GBE1: variants seen among roughly 807,000 people sequenced by gnomAD.
GBE1 encodes the protein 1,4-alpha-glucan-branching enzyme.
GBE1 carries 70 observed loss-of-function variants against 88.8 expected under a neutral mutation model. The ratio of observed to expected loss-of-function variants is 0.79; its 90% CI spans 0.65 to 0.96. The LOEUF (loss-of-function observed/expected upper bound fraction) is 0.96. Among genes scored for constraint, GBE1 ranks in the 40% least tolerant of loss-of-function variants. GBE1 has a pLI of 0.00. For synonymous variants in GBE1, 284 were observed against 300.1 expected (o/e 0.95, Z 0.56); for missense variants, 872 against 871.0 (o/e 1.00, Z -0.01).
chr3:81,640,149 TACTG>T (rs1478249577), intron 7 of GBE1, among the ~76,000 whole-genome samples: 2 of 152,194 alleles, frequency 1.3e-5, no homozygotes, highest in African/African-American at 2.4e-5. Flanking sequence ...TGATGGTTTA[TACTG>T]ACTGTCAACT....
chr3:81,657,583 C>A (rs896936295), intron 3 of GBE1, among the ~76,000 whole-genome samples: 2 of 152,116 alleles, frequency 1.3e-5, no homozygotes, highest in African/African-American at 4.8e-5. Context: ...GTGAATTTTT[C>A]TAAAACTGTA....
chr3:81,697,142 C>T (rs1705608201), intron 2 of GBE1, among the ~76,000 whole-genome samples: 1 of 152,196 alleles, frequency 6.6e-6, no homozygotes, highest in Admixed American at 6.5e-5. Context: ...AGTTGGGATT[C>T]CCATGGTCCC....
chr3:81,618,771 G>C (rs1217791581), intron 7 of GBE1, among the ~76,000 whole-genome samples: 1 of 151,988 alleles, frequency 6.6e-6, no homozygotes, highest in Non-Finnish European at 1.5e-5. Flanking sequence ...GTAAATCCTT[G>C]AAAAAGAAGC....
At chr3:81,495,206 T>C (rs917151801) in intron 15 of GBE1, among the ~76,000 whole-genome samples, 5 of 152,108 alleles carry the variant, frequency 3.3e-5, no homozygotes, top group African/African-American at 1.2e-4. Flanking sequence ...CTGGCCAACA[T>C]GATGAAACCT....
At position 81,535,304 on chromosome 3, in the gene GBE1, CAT is replaced by C. The variant is rs1175447973; in HGVS notation, c.1823_1824del (p.His608ArgfsTer4). On this transcript the variant is annotated frameshift_variant, in exon 14 of 16. Transcript: ENST00000429644. LOFTEE classifies it high-confidence loss of function. ...TCAAAAGCAATGATCTTATTGCCTTCATGTTTTTCACTCACGTAGGCCTGCAA... is the reference window on the plus strand; with the variant it reads ...TCAAAAGCAATGATCTTATTGCCTTCGTTTTTCACTCACGTAGGCCTGCAA... ...AAPQAYVSEK[H>X]EGNKIIAFER... 6 of 1,609,234 alleles carry C rather than the reference CAT, an allele frequency of 3.7e-6. No homozygotes were observed. The highest frequency in any genetic ancestry group is 5.1e-6 in the Non-Finnish European group (6 of 1,178,032).
At chr3:81,598,421 A>G (rs1280292279) in intron 7 of GBE1, among the ~76,000 whole-genome samples, 2 of 151,948 alleles carry the variant, frequency 1.3e-5, no homozygotes, top group East Asian at 3.8e-4. Context: ...GTCTTAAATT[A>G]TAATAAAAAT....
At chr3:81,700,239 A>G (rs1051041507) in intron 2 of GBE1, among the ~76,000 whole-genome samples, 1 of 152,204 alleles carries the variant, frequency 6.6e-6, no homozygotes, top group Non-Finnish European at 1.5e-5. Flanking sequence ...AGATTAGATG[A>G]AGAAACAGAA....
intron 9 of GBE1, among the ~76,000 whole-genome samples, chr3:81,588,466 C>T (rs1166161957): frequency 1.3e-5 from 2 of 152,086 alleles, no homozygotes; most frequent in African/African-American, 4.8e-5. Context: ...AATATTAAGG[C>T]ATGTTCTGTA....
chr3:81,514,721 ATCTGGGATAC>A (rs1702773723), intron 14 of GBE1, among the ~76,000 whole-genome samples: 2 of 151,642 alleles, frequency 1.3e-5, no homozygotes, highest in South Asian at 4.1e-4. Context: ...TTAAGAAATC[ATCTGGGATAC>A]TCAGGTAATA....
intron 7 of GBE1, among the ~76,000 whole-genome samples, chr3:81,598,576 A>C (rs116448996): frequency 4.6e-4 from 70 of 152,108 alleles, no homozygotes; most frequent in African/African-American, 1.6e-3. Context: ...TGTTTTGCTC[A>C]TAATTTGTAT....
At chr3:81,725,385 C>T (rs1706094864) in intron 1 of GBE1, among the ~76,000 whole-genome samples, 1 of 151,912 alleles carries the variant, frequency 6.6e-6, no homozygotes. Flanking sequence ...CACTGTCTTC[C>T]ACCTCCATAT....
At chr3:81,578,121 T>C in intron 11 of GBE1, 25 bp from the exon 12 acceptor site, 1 of 1,522,500 alleles carries the variant, frequency 6.6e-7, no homozygotes, top group Non-Finnish European at 8.8e-7. Context: ...GTAATGGAGA[T>C]AAATGAAAAA....
At chr3:81,607,614 C>T (rs970504753) in intron 7 of GBE1, among the ~76,000 whole-genome samples, 1 of 151,964 alleles carries the variant, frequency 6.6e-6, no homozygotes, top group African/African-American at 2.4e-5. Context: ...GCTAACTATT[C>T]GTCTTGTCAT....
At chr3:81,520,745 T>C (rs1480222295) in intron 14 of GBE1, among the ~76,000 whole-genome samples, 7 of 151,630 alleles carry the variant, frequency 4.6e-5, no homozygotes, top group Non-Finnish European at 1.0e-4. Context: ...ATTACCCACA[T>C]TTCTATCTAT....
intron 1 of GBE1, among the ~76,000 whole-genome samples, chr3:81,754,147 G>C (rs1706571379): frequency 6.6e-6 from 1 of 152,080 alleles, no homozygotes; most frequent in South Asian, 2.1e-4. Flanking sequence ...AAATCTGTAT[G>C]ATTTATATAT....
intron 3 of GBE1, among the ~76,000 whole-genome samples, chr3:81,655,935 T>C (rs949105290): frequency 3.9e-5 from 6 of 152,222 alleles, no homozygotes; most frequent in Admixed American, 1.3e-4. Flanking sequence ...AAAGTAAAGC[T>C]CATAAATTTC....
At chr3:81,723,837 T>C (rs2107194261) in intron 1 of GBE1, among the ~76,000 whole-genome samples, 1 of 152,318 alleles carries the variant, frequency 6.6e-6, no homozygotes, top group South Asian at 2.1e-4. Context: ...ATTATGTATC[T>C]GCAGCCACTC....
chr3:81,620,349 T>C (rs1198812625), intron 7 of GBE1, among the ~76,000 whole-genome samples: 1 of 151,794 alleles, frequency 6.6e-6, no homozygotes, highest in East Asian at 1.9e-4. Context: ...CGCCCGGCCA[T>C]TTTTTTGTAT....
chr3:81,607,239 A>C (rs1432555122), intron 7 of GBE1, among the ~76,000 whole-genome samples: 1 of 152,204 alleles, frequency 6.6e-6, no homozygotes, highest in Non-Finnish European at 1.5e-5. Context: ...TTACCTCTTC[A>C]TAAAGTTTAT....
Sources: allele counts gnomAD v4.1 joint callset (sites outside exome capture counted in the v4.1 genomes callset), GRCh38; gene constraint gnomAD v4.1.1; transcripts MANE v1.5; gene names NCBI Gene and HGNC (gene_info 2026-07-23, HGNC 2026-07-21).